Variants in SORCS1 observed in about 807,000 individuals in gnomAD.
SORCS1 encodes the protein sortilin related VPS10 domain containing receptor 1.
In SORCS1, 60 loss-of-function variants were observed where a neutral mutation model predicts 146.1. The ratio of observed to expected loss-of-function variants is 0.41; its 90% confidence interval spans 0.33 to 0.51. SORCS1 has a LOEUF of 0.51. SORCS1 is among the 20% of genes least tolerant of loss of function. SORCS1 has a pLI of 0.21. For synonymous variants in SORCS1, 637 were observed against 584.0 expected, an observed-to-expected ratio of 1.09 and a Z score of -1.31; for missense variants, 1,352 against 1,487.6, an observed-to-expected ratio of 0.91 and a Z score of 1.50.
chr10:107,126,375 G>GCAC (rs984033075), intron 1 of SORCS1, among the ~76,000 whole-genome samples: 3 of 151,960 alleles, frequency 2.0e-5, no homozygotes, highest in Non-Finnish European at 2.9e-5. Context: ...AAATTGCCCT[G>GCAC]CACCACCCAG....
chr10:106,782,049 C>T (rs1860936276), intron 3 of SORCS1, among the ~76,000 whole-genome samples: 1 of 152,160 alleles, frequency 6.6e-6, no homozygotes, highest in Admixed American at 6.5e-5. Context: ...TACCTATGTG[C>T]CATCTTTGTT....
rs535562181 is a variant in SORCS1, at chr10:106,861,280, G to A, written c.627-31607C>T. On this transcript the variant is annotated intron_variant, in intron 2 of 25. Coordinates refer to ENST00000263054, the MANE Select transcript of SORCS1 (RefSeq NM_052918.5). ...CCAGGCATGGTGGCATGTGCCTGTA[G>A]TACCAGCTACTTGGGAGGCTGAGGC... Among the ~76,000 whole-genome samples the A allele has an allele frequency of 2.0e-5, 3 of 151,766 alleles. No homozygotes were observed. In the East Asian group the frequency reaches 5.9e-4, roughly 30 times the overall value.
At chr10:106,608,586 G>A (rs1292528382) in intron 22 of SORCS1, among the ~76,000 whole-genome samples, 1 of 152,048 alleles carries the variant, frequency 6.6e-6, no homozygotes, top group African/African-American at 2.4e-5. Context: ...CTCCAACAAC[G>A]TTACTATTAT....
chr10:107,146,174 T>G (rs535409934), intron 1 of SORCS1, among the ~76,000 whole-genome samples: 1 of 152,208 alleles, frequency 6.6e-6, no homozygotes, highest in Non-Finnish European at 1.5e-5. Context: ...CAGATACATG[T>G]GTGTCTGTAT....
chr10:107,037,436 T>C (rs1202286769), intron 1 of SORCS1, among the ~76,000 whole-genome samples: 1 of 152,210 alleles, frequency 6.6e-6, no homozygotes, highest in Non-Finnish European at 1.5e-5. Context: ...ACAGCCCTGA[T>C]AGCTTAATAA....
chr10:107,020,008 C>T (rs1212285462), intron 1 of SORCS1, among the ~76,000 whole-genome samples: 2 of 152,120 alleles, frequency 1.3e-5, no homozygotes, highest in Admixed American at 6.5e-5. Flanking sequence ...AACATATGGA[C>T]CTAAAATTCA....
intron 3 of SORCS1, among the ~76,000 whole-genome samples, chr10:106,796,607 C>T (rs556839660): frequency 3.3e-5 from 5 of 152,264 alleles, no homozygotes; most frequent in African/African-American, 4.8e-5. Context: ...TCTTTCTTCT[C>T]TTTTCCTGGG....
chr10:107,126,250 A>G (rs546320834), intron 1 of SORCS1, among the ~76,000 whole-genome samples: 24 of 152,188 alleles, frequency 1.6e-4, no homozygotes, highest in African/African-American at 5.5e-4. Context: ...ACAAACAACA[A>G]AGCACTCTCC....
intron 1 of SORCS1, among the ~76,000 whole-genome samples, chr10:107,040,122 A>G (rs1475893956): frequency 6.6e-6 from 1 of 152,210 alleles, no homozygotes; most frequent in Non-Finnish European, 1.5e-5. Flanking sequence ...TAACATTTAT[A>G]TCCTTCCAGG....
upstream of SORCS1, among the ~76,000 whole-genome samples, chr10:107,167,927 T>C (rs1156515632): frequency 2.0e-5 from 3 of 152,144 alleles, no homozygotes; most frequent in African/African-American, 7.2e-5. Flanking sequence ...CAAAAAAGTG[T>C]GGACACTCTG....
intron 2 of SORCS1, among the ~76,000 whole-genome samples, chr10:106,919,879 T>G (rs1192499338): frequency 6.6e-6 from 1 of 152,238 alleles, no homozygotes; most frequent in African/African-American, 2.4e-5. Flanking sequence ...GGTTCTAGTT[T>G]GATCAAGTTA....
At position 106,632,792 on chromosome 10, in the gene SORCS1, G is replaced by A. The variant is rs7919750; in HGVS notation, c.2476-3404C>T. On this transcript the variant is annotated intron_variant, in intron 18 of 25. Transcript: ENST00000263054. Reference sequence around the variant, plus strand: ...AAGGTACATGGAGTTGTAAGCTTTTGTAATATGCAGGACTGGAGAGCCGAT... The same window carrying A: ...AAGGTACATGGAGTTGTAAGCTTTTATAATATGCAGGACTGGAGAGCCGAT... 4.5e-3 allele frequency among the ~76,000 whole-genome samples: 682 copies of A among 152,276 alleles called. 4 individuals are homozygous for A. Among genetic ancestry groups the A allele is most frequent in the African/African-American group, 0.014 (569 of 41,542 alleles).
At chr10:106,599,307 G>A (rs1846091808) in intron 23 of SORCS1, among the ~76,000 whole-genome samples, 1 of 151,076 alleles carries the variant, frequency 6.6e-6, no homozygotes, top group Admixed American at 6.6e-5. Flanking sequence ...GGCAGACGTT[G>A]CAGTGAGCCA....
At chr10:106,835,372 C>G (rs181484058) in intron 2 of SORCS1, among the ~76,000 whole-genome samples, 1 of 152,184 alleles carries the variant, frequency 6.6e-6, no homozygotes, top group African/African-American at 2.4e-5. Flanking sequence ...GCTTTTGTTA[C>G]TCATTTTCTA....
At chr10:106,761,821 A>C (rs1164487995) in intron 4 of SORCS1, among the ~76,000 whole-genome samples, 160 bp from the exon 5 acceptor site, 2 of 152,242 alleles carry the variant, frequency 1.3e-5, no homozygotes, top group Admixed American at 6.5e-5. Context: ...TCTATTCCTT[A>C]TACAAATTCT....
chr10:106,585,906 C>T (rs1845204323), intron 24 of SORCS1, among the ~76,000 whole-genome samples: 3 of 152,192 alleles, frequency 2.0e-5, no homozygotes, highest in South Asian at 4.1e-4. Context: ...GCAGCTGACC[C>T]GTAACATGTG....
At chr10:107,042,536 C>T (rs10884405) in intron 1 of SORCS1, among the ~76,000 whole-genome samples, 62,849 of 151,904 alleles carry the variant, frequency 0.41, 13,925 homozygotes, top group Middle Eastern at 0.6. Context: ...ATCTTCCTTG[C>T]ACATGGACAA....
At position 106,980,248 on chromosome 10, in the gene SORCS1, T is replaced by C. The variant is rs575830205; in HGVS notation, c.559-23668A>G. On this transcript the variant is annotated intron_variant, in intron 1 of 25. Coordinates refer to ENST00000263054, the MANE Select transcript of SORCS1 (RefSeq NM_052918.5). ...ATGGGTTATGCCCAAACGTAGCACA[T>C]TGGAACAAACATGTAATAATTGTAT... 1.2e-3 allele frequency among the ~76,000 whole-genome samples: 177 copies of C among 152,310 alleles called. 1 individual carries two copies. Among genetic ancestry groups the C allele is most frequent in the African/African-American group, 3.1e-3 (129 of 41,572 alleles).
rs578146859 is a variant in SORCS1, at chr10:106,789,697, C to G, written c.727-13005G>C. Among the ~76,000 whole-genome samples, 3 of 152,338 alleles carry G rather than the reference C, an allele frequency of 2.0e-5. No individual in the cohort carries two copies. The East Asian group carries it at 5.8e-4, about 29-fold the overall frequency. On this transcript the variant is annotated intron_variant, in intron 3 of 25. Coordinates refer to ENST00000263054, the MANE Select transcript of SORCS1 (RefSeq NM_052918.5). The stretch of plus-strand genomic sequence containing the variant: ...AAGTTCCAAACTTTCCCACATCTTC[C>G]AGTCTTCTGATCCCTCCAAACTGTT...
Sources: allele counts gnomAD v4.1 joint callset (sites outside exome capture counted in the v4.1 genomes callset), GRCh38; gene constraint gnomAD v4.1.1; transcripts MANE v1.5; gene names NCBI Gene and HGNC (gene_info 2026-07-23, HGNC 2026-07-21).